TMEM135: variants seen among roughly 807,000 people sequenced by gnomAD.
TMEM135 encodes peroxisomal membrane protein 52.
TMEM135 carries 30 observed loss-of-function variants against 60.3 expected under a neutral mutation model. The ratio of observed to expected loss-of-function variants is 0.50; its 90% CI spans 0.37 to 0.68. The LOEUF is 0.68. TMEM135 is among the 30% of genes least tolerant of loss of function. The pLI is 0.00. For missense variants in TMEM135, 468 were observed against 548.8 expected, an observed-to-expected ratio of 0.85 and a Z score of 1.47; for synonymous variants, 190 against 186.7, an observed-to-expected ratio of 1.02 and a Z score of -0.14.
rs140303858 is a variant in TMEM135 at position 87,159,617 on chromosome 11, A to ACACACACACACCCC, written c.462+2212_462+2213insACACACACACCCCC. ...CGCACACACACACACACACACACAC[A>ACACACACACACCCC]CCATAGATTTTCCGAGACGGTTGGC... On this transcript the variant is annotated intron_variant, in intron 5 of 14. Transcript: ENST00000305494. Among the ~76,000 whole-genome samples, 699 of 149,408 alleles carry ACACACACACACCCC rather than the reference A, an allele frequency of 4.7e-3. 8 individuals carry two copies. Among genetic ancestry groups the ACACACACACACCCC allele is most frequent in the Middle Eastern group, 0.024 (7 of 294 alleles).
At chr11:87,239,178 AG>A (rs1264339817) in intron 6 of TMEM135, among the ~76,000 whole-genome samples, 1 of 152,064 alleles carries the variant, frequency 6.6e-6, no homozygotes, top group Admixed American at 6.6e-5. Context: ...TAAAAACAAC[AG>A]TTTAAAATAC....
At chr11:87,253,244 A>G (rs1413930840) in intron 6 of TMEM135, among the ~76,000 whole-genome samples, 1 of 152,158 alleles carries the variant, frequency 6.6e-6, no homozygotes, top group African/African-American at 2.4e-5. Context: ...CTAACATTTT[A>G]TAATGAATAT....
At chr11:87,113,188 T>C (rs990230824) in intron 4 of TMEM135, among the ~76,000 whole-genome samples, 2 of 152,092 alleles carry the variant, frequency 1.3e-5, no homozygotes, top group African/African-American at 4.8e-5. Context: ...TGATGAAAGA[T>C]AGTTCACATT....
chr11:87,272,051 C>CTTTTTTT (rs773654603), intron 6 of TMEM135, among the ~76,000 whole-genome samples: 1 of 81,134 alleles, frequency 1.2e-5, no homozygotes, highest in Non-Finnish European at 2.9e-5. Flanking sequence ...TTTTTCTTTT[C>CTTTTTTT]TTTTTTTTTT....
At chr11:87,270,154 T>A (rs1179328266) in intron 6 of TMEM135, among the ~76,000 whole-genome samples, 3 of 148,946 alleles carry the variant, frequency 2.0e-5, no homozygotes, top group African/African-American at 7.4e-5. Context: ...TTTTGAGAAG[T>A]GTCTGTTCAT....
chr11:87,182,796 T>G (rs1939552541), intron 5 of TMEM135, among the ~76,000 whole-genome samples: 1 of 152,110 alleles, frequency 6.6e-6, no homozygotes, highest in Admixed American at 6.6e-5. Context: ...CTTTTAAAAT[T>G]GTTTCATTTG....
At chr11:87,086,617 G>A (rs1047594320) in intron 3 of TMEM135, among the ~76,000 whole-genome samples, 2 of 152,062 alleles carry the variant, frequency 1.3e-5, no homozygotes, top group South Asian at 4.1e-4. Flanking sequence ...ATAGGGAAGT[G>A]CTTGCTGATT....
chr11:87,224,264 G>A (rs930072630), intron 5 of TMEM135, among the ~76,000 whole-genome samples: 2 of 152,188 alleles, frequency 1.3e-5, no homozygotes, highest in Non-Finnish European at 2.9e-5. Context: ...AAAAAAATGT[G>A]GAACTCAGTT....
chr11:87,246,751 G>A (rs373009606), intron 6 of TMEM135, among the ~76,000 whole-genome samples: 4 of 125,842 alleles, frequency 3.2e-5, no homozygotes, highest in Non-Finnish European at 6.9e-5. Context: ...TTATACATTC[G>A]TCTAAATTTT....
chr11:87,224,657 T>A (rs1940727460), intron 5 of TMEM135, among the ~76,000 whole-genome samples: 1 of 152,168 alleles, frequency 6.6e-6, no homozygotes, highest in Non-Finnish European at 1.5e-5. Flanking sequence ...ATGACCTGTC[T>A]ACTTTGCCCT....
At chr11:87,273,444 T>G (rs1941907573) in intron 6 of TMEM135, among the ~76,000 whole-genome samples, 2 of 152,146 alleles carry the variant, frequency 1.3e-5, no homozygotes, top group African/African-American at 4.8e-5. Context: ...TTTCTTTCCT[T>G]TATCCATTGA....
chr11:87,157,436 G>A (rs1399078271), intron 5 of TMEM135, 30 bp downstream of exon 5: 1 of 1,581,516 alleles, frequency 6.3e-7, no homozygotes, highest in Non-Finnish European at 8.7e-7. Flanking sequence ...ATAGTTATTA[G>A]TTGTTAATTT....
chr11:87,103,248 A>G (rs2513208), intron 4 of TMEM135, among the ~76,000 whole-genome samples: 102,193 of 151,986 alleles, frequency 0.67, 35,571 homozygotes, highest in East Asian at 0.88. Context: ...TTAGTTTTTT[A>G]AGGAGCTTCC....
intron 5 of TMEM135, among the ~76,000 whole-genome samples, chr11:87,166,866 A>G (rs1939065459): frequency 6.6e-6 from 1 of 152,018 alleles, no homozygotes; most frequent in South Asian, 2.1e-4. Flanking sequence ...CTTGATGGGG[A>G]TAGCATTGAA....
chr11:87,076,526 AC>A (rs2135148671), intron 3 of TMEM135, among the ~76,000 whole-genome samples: 2 of 152,174 alleles, frequency 1.3e-5, no homozygotes, highest in East Asian at 3.9e-4. Flanking sequence ...TTGTTGCTTT[AC>A]CCCACTGTGT....
intron 4 of TMEM135, among the ~76,000 whole-genome samples, chr11:87,141,254 C>A (rs1038966796): frequency 4.6e-5 from 7 of 151,948 alleles, no homozygotes; most frequent in African/African-American, 1.7e-4. Flanking sequence ...TTTTTAATTT[C>A]TTGCAGCATT....
chr11:87,223,466 C>G (rs1360132059), intron 5 of TMEM135, among the ~76,000 whole-genome samples: 2 of 152,064 alleles, frequency 1.3e-5, no homozygotes, highest in East Asian at 3.9e-4. Context: ...CACCGTGGCC[C>G]GGCCTGAAAA....
rs544664947 is a variant in TMEM135, at chr11:87,317,611, A to T, written c.1078-526A>T. On this transcript the variant is annotated intron_variant, in intron 12 of 14. Coordinates refer to ENST00000305494, the MANE Select transcript of TMEM135 (RefSeq NM_022918.4). ...TGGCAATTCAGTTGGGATATAATTT[A>T]AAAAGAGTCAGATTTACTTAGCAAA... 2.6e-5 allele frequency among the ~76,000 whole-genome samples: 4 copies of T among 152,234 alleles called. No individual in the cohort carries two copies. The East Asian group carries it at 7.7e-4, about 29-fold the overall frequency.
intron 9 of TMEM135, among the ~76,000 whole-genome samples, chr11:87,307,756 A>G (rs1942577114): frequency 2.0e-5 from 3 of 152,326 alleles, no homozygotes; most frequent in South Asian, 2.1e-4. Context: ...TTTTTTGACA[A>G]TGGACCTCAT....
Sources: gnomAD v4.1 joint callset for allele counts (sites outside exome capture counted in the v4.1 genomes callset) on GRCh38, gnomAD v4.1.1 for gene constraint, MANE v1.5 for transcripts, NCBI Gene and HGNC (gene_info 2026-07-23, HGNC 2026-07-21) for gene names.